Variants in STK31 observed in about 807,000 individuals in gnomAD.
STK31 encodes the protein serine/threonine kinase 31, also known as serine/threonine-protein kinase 31.
In STK31, 89 loss-of-function variants were observed where a neutral mutation model predicts 129.7. That is an observed-to-expected ratio of 0.69 (90% confidence interval 0.58 to 0.82). STK31 has a LOEUF of 0.82. Among genes scored for constraint, STK31 ranks in the 40% least tolerant of loss-of-function variants. The pLI, the probability that STK31 is intolerant of heterozygous loss-of-function variation, is 0.00. For missense variants in STK31, 1,187 were observed against 1,176.4 expected (o/e 1.01, Z -0.13); for synonymous variants, 448 against 395.3 (o/e 1.13, Z -1.58).
At chr7:23,814,648 T>C (rs918727539) in intron 22 of STK31, among the ~76,000 whole-genome samples, 1 of 152,034 alleles carries the variant, frequency 6.6e-6, no homozygotes, top group Non-Finnish European at 1.5e-5. Context: ...AGGGGATGAA[T>C]ATGTGGGACT....
At position 23,792,341 on chromosome 7, in the gene STK31, ATTAAAAT is replaced by A. The variant is rs1368157713; in HGVS notation, c.2760+1402_2760+1408del. ...TTATATAAGCAACAAATAATAGGAA[ATTAAAAT>A]TTAAAAATCATTTACAAAAGTATTA... On this transcript the variant is annotated intron_variant, in intron 22 of 23. Coordinates refer to ENST00000355870, the MANE Select transcript of STK31 (RefSeq NM_031414.5). Among the ~76,000 whole-genome samples, 5 of 152,334 alleles carry A rather than the reference ATTAAAAT, an allele frequency of 3.3e-5. 1 individual carries two copies. Among genetic ancestry groups the A allele is most frequent in the Non-Finnish European group, 7.4e-5 (5 of 68,018 alleles).
Position 23,710,320 on chromosome 7 carries a change from C to T in STK31, c.35C>T (p.Ala12Val). ...CAGGGTCACTCTTCTAGAGCTTCCG[C>T]AACGGAAAGTGTGAGGTCAGTAGTA... ...WVQGHSSRAS[A>V]TESVSFSGIV... Residue 12 changes from alanine to valine, a missense_variant, in exon 1 of 24, where the codon GCA becomes GTA. Transcript: ENST00000355870. The T allele has an allele frequency of 1.2e-6, 2 of 1,613,478 alleles. No individual in the cohort carries two copies. Among genetic ancestry groups the T allele is most frequent in the East Asian group, 2.2e-5 (1 of 44,880 alleles).
chr7:23,727,556 CTTTTTTTTTTTT>C (rs58066410), intron 5 of STK31: 21 of 137,448 alleles, frequency 1.5e-4, no homozygotes, highest in South Asian at 8.3e-4. Flanking sequence ...TACCTCAGTT[CTTTTTTTTTTTT>C]TTTTTTTTTT....
intron 5 of STK31, 80 bp from the exon 6 acceptor site, chr7:23,729,011 C>A: frequency 7.5e-7 from 1 of 1,335,768 alleles, no homozygotes; most frequent in Non-Finnish European, 1.0e-6. Context: ...AGGTCATTAA[C>A]AGAGAGCAGC....
At chr7:23,810,720 T>C (rs1793051679) in intron 22 of STK31, among the ~76,000 whole-genome samples, 1 of 34,008 alleles carries the variant, frequency 2.9e-5, no homozygotes, top group Admixed American at 4.6e-4. Flanking sequence ...AAAATAGATA[T>C]ATATAAAATA....
chr7:23,772,382 C>G, intron 15 of STK31, 104 bp downstream of exon 15: 1 of 1,162,616 alleles, frequency 8.6e-7, no homozygotes. Context: ...AATAAGAGAG[C>G]CATTACATTC....
chr7:23,822,552 A>G (rs1205942725), intron 23 of STK31, among the ~76,000 whole-genome samples: 1 of 152,102 alleles, frequency 6.6e-6, no homozygotes, highest in Non-Finnish European at 1.5e-5. Flanking sequence ...GTTTTTCTAG[A>G]TAGAAGATTA....
intron 16 of STK31, 132 bp downstream of exon 16, chr7:23,781,652 C>T (rs1402755230): frequency 5.4e-6 from 3 of 552,178 alleles, no homozygotes; most frequent in Non-Finnish European, 9.3e-6. Context: ...ATATATTGAC[C>T]TGGTAAGATT....
intron 9 of STK31, among the ~76,000 whole-genome samples, chr7:23,753,151 G>T (rs528762111): frequency 1.3e-5 from 2 of 152,306 alleles, no homozygotes; most frequent in South Asian, 4.1e-4. Context: ...ATTTTCAGGA[G>T]TACAGCATGT....
intron 15 of STK31, among the ~76,000 whole-genome samples, chr7:23,780,732 C>T: frequency 6.6e-6 from 1 of 152,262 alleles, no homozygotes; most frequent in African/African-American, 2.4e-5. Flanking sequence ...ATCAATTTAC[C>T]TTGTCAGGGT....
chr7:23,725,930 T>C (rs1420838255), intron 4 of STK31: 1 of 152,224 alleles, frequency 6.6e-6, no homozygotes, highest in Non-Finnish European at 1.5e-5. Context: ...CCAGTGTCTG[T>C]AGATTACATG....
intron 23 of STK31, among the ~76,000 whole-genome samples, chr7:23,817,127 G>GC (rs1335028892): frequency 6.6e-6 from 1 of 152,114 alleles, no homozygotes; most frequent in East Asian, 1.9e-4. Context: ...GGCAGAGGTT[G>GC]CAGTGAGCCG....
intron 23 of STK31, among the ~76,000 whole-genome samples, chr7:23,827,626 C>G (rs763016529): frequency 1.3e-5 from 2 of 152,172 alleles, no homozygotes; most frequent in African/African-American, 2.4e-5. Flanking sequence ...CAGCTTTGTT[C>G]AGTTGCTGGT....
intron 21 of STK31, 112 bp downstream of exon 21, chr7:23,788,241 T>C: frequency 2.1e-6 from 2 of 951,430 alleles, no homozygotes; most frequent in Non-Finnish European, 2.8e-6. Context: ...TTGTCTTCAG[T>C]TAAACTGTGT....
chr7:23,802,110 C>T (rs184463152), intron 22 of STK31, among the ~76,000 whole-genome samples: 8 of 152,084 alleles, frequency 5.3e-5, no homozygotes, highest in Non-Finnish European at 7.4e-5. Flanking sequence ...TAAAGTCAGG[C>T]GCGTAAGTTT....
At chr7:23,729,876 GTATT>G (rs1320338566) in intron 6 of STK31, among the ~76,000 whole-genome samples, 1 of 152,132 alleles carries the variant, frequency 6.6e-6, no homozygotes, top group Admixed American at 6.5e-5. Flanking sequence ...TTTTGGGAAA[GTATT>G]TATTAAATAA....
chr7:23,820,001 AT>A (rs1793706837), intron 23 of STK31, among the ~76,000 whole-genome samples: 1 of 152,220 alleles, frequency 6.6e-6, no homozygotes, highest in Non-Finnish European at 1.5e-5. Context: ...TCAGTGTGAC[AT>A]TTTAATAGTG....
chr7:23,826,504 G>A (rs1445627789), intron 23 of STK31, among the ~76,000 whole-genome samples: 1 of 152,174 alleles, frequency 6.6e-6, no homozygotes, highest in Admixed American at 6.5e-5. Context: ...CTGCACGTGA[G>A]ATGGGTTTCC....
rs562655436 is a variant in STK31 at position 23,762,842 on chromosome 7, G to A, written c.1335G>A (p.Gln445=). 14 of 1,608,662 alleles carry A rather than the reference G, an allele frequency of 8.7e-6. 1 individual carries two copies. The South Asian group carries it at 1.6e-4, about 18-fold the overall frequency. ...TGATTGCCCAAAGAAATGAAATGCA[G>A]CAGAAGCTGTACATGTCAGTAGAAG... ...NILIAQRNEM[Q]QKLYMSVEDF... is the part of the protein sequence containing the mutation. The change falls in exon 11 of 24, where the codon CAG becomes CAA. Residue 445 remains glutamine (Q), a synonymous_variant. Transcript: ENST00000355870.
Sources: gnomAD v4.1 joint callset for allele counts (sites outside exome capture counted in the v4.1 genomes callset) on GRCh38, gnomAD v4.1.1 for gene constraint, MANE v1.5 for transcripts, NCBI Gene and HGNC (gene_info 2026-07-23, HGNC 2026-07-21) for gene names.